The following MCTP1 variants were observed in gnomAD, a reference collection of about 807,000 sequenced individuals.
MCTP1 encodes the protein multiple C2 and transmembrane domain containing 1.
A neutral mutation model predicts 120.6 loss-of-function variants in MCTP1; 69 were observed. The observed-to-expected ratio is 0.57, with a 90% CI of 0.47 to 0.70. The LOEUF (loss-of-function observed/expected upper bound fraction) is 0.70, where lower values mean the gene tolerates loss of function less well. Ranked by LOEUF, MCTP1 falls within the 30% of genes least tolerant of loss-of-function variation. The pLI is 0.00. For missense variants in MCTP1, 1,203 were observed against 1,248.8 expected, an observed-to-expected ratio of 0.96 and a Z score of 0.55; for synonymous variants, 529 against 493.1, an observed-to-expected ratio of 1.07 and a Z score of -0.96.
At chr5:95,147,269 G>C (rs2152452443) in intron 1 of MCTP1, among the ~76,000 whole-genome samples, 2 of 152,098 alleles carry the variant, frequency 1.3e-5, no homozygotes, top group East Asian at 3.9e-4. Flanking sequence ...TGTATTTTTA[G>C]TAGAGACAGG....
At chr5:95,168,539 A>G (rs1746759203) in intron 1 of MCTP1, among the ~76,000 whole-genome samples, 1 of 152,186 alleles carries the variant, frequency 6.6e-6, no homozygotes, top group South Asian at 2.1e-4. Context: ...CATGGAATGA[A>G]TGTTCTTCCA....
intron 8 of MCTP1, 44 bp from the exon 9 acceptor site, chr5:94,913,020 C>A: frequency 2.0e-6 from 3 of 1,488,484 alleles, no homozygotes; most frequent in African/African-American, 1.4e-5. Flanking sequence ...TGTTTTAAAC[C>A]CAAAAACCTC....
chr5:95,271,561 T>C (rs1486646603), intron 1 of MCTP1, among the ~76,000 whole-genome samples: 1 of 152,098 alleles, frequency 6.6e-6, no homozygotes, highest in Non-Finnish European at 1.5e-5. Flanking sequence ...AGTCAGGCCA[T>C]GCTTGAAAAC....
chr5:95,175,791 G>T (rs117638480), intron 1 of MCTP1, among the ~76,000 whole-genome samples: 2 of 152,150 alleles, frequency 1.3e-5, no homozygotes, highest in Non-Finnish European at 2.9e-5. Flanking sequence ...ACTCACACCT[G>T]CCAGGATGTT....
chr5:95,022,267 A>T (rs1347654909), intron 1 of MCTP1, among the ~76,000 whole-genome samples: 1 of 152,204 alleles, frequency 6.6e-6, no homozygotes, highest in Non-Finnish European at 1.5e-5. Flanking sequence ...GAAGCCTATC[A>T]TTATAAACTG....
intron 2 of MCTP1, among the ~76,000 whole-genome samples, chr5:94,975,265 C>T (rs1827850987): frequency 6.6e-6 from 1 of 152,080 alleles, no homozygotes; most frequent in Non-Finnish European, 1.5e-5. Flanking sequence ...TAGGCTGAAA[C>T]TCTAGTCTTC....
rs1446077453 is a variant in MCTP1, at chr5:95,156,088, C to T, written c.720+127768G>A. 3.9e-5 allele frequency among the ~76,000 whole-genome samples: 6 copies of T among 152,144 alleles called. No homozygotes were observed. In the South Asian group the frequency reaches 1.2e-3, roughly 32 times the overall value. On this transcript the variant is annotated intron_variant, in intron 1 of 22. Coordinates refer to ENST00000515393, the MANE Select transcript of MCTP1 (RefSeq NM_024717.7). Reference sequence around the variant, plus strand: ...GAACTAGGAACACAAAGACCTGATTCCTGTCAATGATGTAAATGAGCTTGG... The same window carrying T: ...GAACTAGGAACACAAAGACCTGATTTCTGTCAATGATGTAAATGAGCTTGG...
At chr5:94,797,880 C>T (rs1278750845) in intron 18 of MCTP1, among the ~76,000 whole-genome samples, 2 of 151,918 alleles carry the variant, frequency 1.3e-5, no homozygotes, top group East Asian at 3.9e-4. Context: ...GCTTACATGG[C>T]TATTTGAAGT....
rs558811674 is a variant in MCTP1, at chr5:94,820,082, G to A, written c.2437-20950C>T. On this transcript the variant is annotated intron_variant, in intron 17 of 22. Coordinates refer to ENST00000515393, the MANE Select transcript of MCTP1 (RefSeq NM_024717.7). Reference sequence around the variant, plus strand: ...TTTTTAACTTGTACCTTGATGACTTGTCACTTTTGACTGACTGGATGCAAA... The same window carrying A: ...TTTTTAACTTGTACCTTGATGACTTATCACTTTTGACTGACTGGATGCAAA... Among the ~76,000 whole-genome samples the A allele has an allele frequency of 3.3e-5, 5 of 152,260 alleles. No homozygotes were observed. The East Asian group carries it at 9.6e-4, about 29-fold the overall frequency.
chr5:94,736,658 TAC>T, intron 19 of MCTP1, among the ~76,000 whole-genome samples: 1 of 152,180 alleles, frequency 6.6e-6, no homozygotes, highest in South Asian at 2.1e-4. Flanking sequence ...CACACATACA[TAC>T]ACACACACCC....
At chr5:95,230,130 T>G (rs1754752815) in intron 1 of MCTP1, among the ~76,000 whole-genome samples, 1 of 151,716 alleles carries the variant, frequency 6.6e-6, no homozygotes, top group Non-Finnish European at 1.5e-5. Context: ...ATTTTCCATG[T>G]GACAGGTAAT....
intron 19 of MCTP1, among the ~76,000 whole-genome samples, chr5:94,724,999 G>A (rs1017866097): frequency 4.6e-5 from 7 of 152,042 alleles, no homozygotes; most frequent in Admixed American, 6.6e-5. Context: ...TTTCAACCAC[G>A]ATAACACAAG....
chr5:94,870,426 G>T lies in MCTP1; in HGVS notation c.2307C>A (p.Leu769=). 1 of 1,609,464 alleles carries T rather than the reference G, an allele frequency of 6.2e-7. No homozygotes were observed. The highest frequency in any genetic ancestry group is 8.5e-7 in the Non-Finnish European group (1 of 1,176,198). ...TTTTCTTGCTTTTTACCTGTTTAGA[G>T]AGTCTGTTTTCCTCTTCAATGTACT... ...EQKYIEEENR[L]SKQLLLRNFI... is the part of the protein sequence containing the mutation. Residue 769 remains leucine, a synonymous_variant, in exon 16 of 23, where the codon CTC becomes CTA. Transcript: ENST00000515393.
intron 2 of MCTP1, among the ~76,000 whole-genome samples, chr5:94,974,453 A>G (rs1001318515): frequency 6.6e-6 from 1 of 152,018 alleles, no homozygotes; most frequent in Admixed American, 6.6e-5. Context: ...GGACACTGAG[A>G]CAGGAGGACT....
At chr5:94,853,718 C>G (rs1244761318) in intron 17 of MCTP1, among the ~76,000 whole-genome samples, 1 of 151,922 alleles carries the variant, frequency 6.6e-6, no homozygotes, top group African/African-American at 2.4e-5. Context: ...CTCTACTGCT[C>G]TACTTGCTCT....
chr5:95,101,522 C>T (rs1756731624), intron 1 of MCTP1, among the ~76,000 whole-genome samples: 1 of 152,166 alleles, frequency 6.6e-6, no homozygotes, highest in Non-Finnish European at 1.5e-5. Context: ...TGAACCAGAA[C>T]CAGAAGTGTG....
chr5:94,860,312 A>C (rs941124402), intron 17 of MCTP1, among the ~76,000 whole-genome samples: 2 of 151,750 alleles, frequency 1.3e-5, no homozygotes, highest in East Asian at 3.9e-4. Context: ...AATACAGTGC[A>C]ATGTCTGGAT....
At chr5:95,174,739 G>A (rs1320149243) in intron 1 of MCTP1, among the ~76,000 whole-genome samples, 4 of 152,158 alleles carry the variant, frequency 2.6e-5, no homozygotes, top group Non-Finnish European at 5.9e-5. Flanking sequence ...GAGTAGTCCT[G>A]AGAACAGAGC....
chr5:94,785,874 C>A (rs1467893738), intron 18 of MCTP1, among the ~76,000 whole-genome samples: 1 of 152,020 alleles, frequency 6.6e-6, no homozygotes, highest in East Asian at 1.9e-4. Flanking sequence ...ATCCTTTGCT[C>A]CAACCCCATC....
Sources: gnomAD v4.1 joint callset for allele counts (sites outside exome capture counted in the v4.1 genomes callset) on GRCh38, gnomAD v4.1.1 for gene constraint, MANE v1.5 for transcripts, NCBI Gene and HGNC (gene_info 2026-07-23, HGNC 2026-07-21) for gene names.